LTBP2: variants seen among roughly 807,000 people sequenced by gnomAD.
LTBP2 encodes the protein latent transforming growth factor beta binding protein 2, also known as latent-transforming growth factor beta-binding protein 2.
A neutral mutation model predicts 210.6 loss-of-function variants in LTBP2; 103 were observed. The ratio of observed to expected loss-of-function variants is 0.49; its 90% CI spans 0.42 to 0.58. The LOEUF is 0.58. LTBP2 is among the 20% of genes least tolerant of loss of function. LTBP2 has a pLI of 0.00. For missense variants in LTBP2, 2,313 were observed against 2,494.5 expected (o/e 0.93, Z 1.55); for synonymous variants, 1,007 against 1,015.0 (o/e 0.99, Z 0.15).
chr14:74,507,915 C>A, intron 25 of LTBP2, 58 bp downstream of exon 25: 1 of 1,608,710 alleles, frequency 6.2e-7, no homozygotes, highest in South Asian at 1.1e-5. Flanking sequence ...AAGGACCAGG[C>A]AGTGTAGAGA....
intron 3 of LTBP2, among the ~76,000 whole-genome samples, chr14:74,578,145 G>C (rs978446000): frequency 1.3e-5 from 2 of 152,070 alleles, no homozygotes; most frequent in African/African-American, 4.8e-5. Context: ...CAACCTAGTG[G>C]CCAACCTGCA....
intron 14 of LTBP2, 146 bp from the exon 15 acceptor site, chr14:74,525,371 A>C (rs2087259311): frequency 2.4e-6 from 1 of 412,582 alleles, no homozygotes; most frequent in Non-Finnish European, 4.3e-6. Flanking sequence ...CTGAAAGTTG[A>C]TCTGGCCCCA....
chr14:74,507,713 T>C (rs1193643861), intron 25 of LTBP2, among the ~76,000 whole-genome samples: 2 of 152,238 alleles, frequency 1.3e-5, no homozygotes, highest in African/African-American at 2.4e-5. Flanking sequence ...GCAAAAGACA[T>C]TGAGCATAGC....
At chr14:74,604,166 A>AAC (rs1297020883) in intron 1 of LTBP2, among the ~76,000 whole-genome samples, 10 of 146,610 alleles carry the variant, frequency 6.8e-5, no homozygotes, top group African/African-American at 2.3e-4. Flanking sequence ...CCTCTCACCA[A>AAC]AAAAAAAAAA....
At chr14:74,565,765 G>A (rs1036033972) in intron 3 of LTBP2, among the ~76,000 whole-genome samples, 2 of 152,158 alleles carry the variant, frequency 1.3e-5, no homozygotes, top group African/African-American at 2.4e-5. Context: ...GATATCATTC[G>A]AGGAAAGCAG....
In LTBP2 at chr14:74,503,271, C is replaced by T. The variant is rs780831660; in HGVS notation, c.4836G>A (p.Gln1612=). 1.1e-5 allele frequency: 18 copies of T among 1,613,992 alleles called. No individual in the cohort carries two copies. In the African/African-American group the frequency reaches 2.4e-4, roughly 22 times the overall value. Residue 1612 remains glutamine (Q), a synonymous_variant, in exon 33 of 36, where the codon CAG becomes CAA. Coordinates refer to ENST00000261978, the MANE Select transcript of LTBP2 (RefSeq NM_000428.3). ...HRTTYTECCC[Q]DGEAWSQQCA... ...ACTGCTGGCTCCAGGCCTCGCCGTCCTGGCAGCAGCATTCCGTGTAGGTGG... is the reference window on the plus strand; with the variant it reads ...ACTGCTGGCTCCAGGCCTCGCCGTCTTGGCAGCAGCATTCCGTGTAGGTGG...
At chr14:74,556,446 C>A (rs2087730027) in intron 3 of LTBP2, among the ~76,000 whole-genome samples, 2 of 152,216 alleles carry the variant, frequency 1.3e-5, no homozygotes, top group Admixed American at 6.5e-5. Context: ...ATATGATAGT[C>A]CAGCTAAAGA....
intron 19 of LTBP2, among the ~76,000 whole-genome samples, chr14:74,510,576 G>A (rs1445494774): frequency 2.0e-5 from 3 of 152,202 alleles, no homozygotes; most frequent in Non-Finnish European, 4.4e-5. Context: ...ACCTCCTACC[G>A]GCCAACCAAA....
intron 22 of LTBP2, 80 bp from the exon 23 acceptor site, chr14:74,509,032 G>T: frequency 6.3e-7 from 1 of 1,597,018 alleles, no homozygotes; most frequent in South Asian, 1.1e-5. Flanking sequence ...GTCTCCAGAG[G>T]ACCTGTCACC....
chr14:74,565,319 C>A (rs1304745250), intron 3 of LTBP2, among the ~76,000 whole-genome samples: 1 of 152,106 alleles, frequency 6.6e-6, no homozygotes, highest in Non-Finnish European at 1.5e-5. Flanking sequence ...TTCAAGCAGG[C>A]CTAGGACATG....
At chr14:74,520,415 G>T (rs899383965) in intron 17 of LTBP2, among the ~76,000 whole-genome samples, 4 of 152,180 alleles carry the variant, frequency 2.6e-5, no homozygotes, top group Non-Finnish European at 4.4e-5. Context: ...ATTAAATGGG[G>T]CTAAGGATTT....
chr14:74,502,746 T>C lies in LTBP2; in HGVS notation c.5077A>G (p.Asn1693Asp). 1 of 1,614,114 alleles carries C rather than the reference T, an allele frequency of 6.2e-7. No individual in the cohort carries two copies. Among genetic ancestry groups the C allele is most frequent in the Non-Finnish European group, 8.5e-7 (1 of 1,180,018 alleles). The stretch of plus-strand genomic sequence containing the variant: ...CGGTCCGCTGAGTGACCGGCTGTGT[T>C]GGGGAAGGCAGGCTCAGGGACGGTG... ...EDTVPEPAFPNTAGHSADRTP... is the reference protein window; with the variant it reads ...EDTVPEPAFPDTAGHSADRTP... The change falls in exon 34 of 36, where the codon AAC becomes GAC. Residue 1693 changes from asparagine (N) to aspartate (D), a missense_variant. Asn to Asp is a conservative substitution (Grantham distance 23, BLOSUM62 1). This residue lies in a region of LTBP2 where 443 missense variants were observed against 501.4 expected (regional missense o/e 0.88). Transcript: ENST00000261978.
intron 3 of LTBP2, among the ~76,000 whole-genome samples, chr14:74,584,062 T>C (rs2088172683): frequency 1.3e-5 from 2 of 152,174 alleles, no homozygotes; most frequent in African/African-American, 2.4e-5. Flanking sequence ...AGAGCAAATA[T>C]GGACTGAGCA....
chr14:74,608,830 G>A (rs1263310550), intron 1 of LTBP2, among the ~76,000 whole-genome samples: 1 of 152,006 alleles, frequency 6.6e-6, no homozygotes, highest in East Asian at 1.9e-4. Flanking sequence ...TCTGGTCACT[G>A]CTGTATCCCA....
chr14:74,523,907 C>A (rs1595252275), intron 15 of LTBP2, among the ~76,000 whole-genome samples: 2 of 152,064 alleles, frequency 1.3e-5, no homozygotes, highest in East Asian at 3.9e-4. Context: ...CCAGATTGTA[C>A]TGAATTGAAT....
rs771353000 is a variant in LTBP2, at chr14:74,611,818, A to T, written c.127T>A (p.Tyr43Asn). 6.2e-7 allele frequency: 1 copy of T among 1,611,630 alleles called. No individual in the cohort carries two copies. The highest frequency in any genetic ancestry group is 1.1e-5 in the South Asian group (1 of 91,036). Residue 43 changes from tyrosine to asparagine, a missense_variant, in exon 1 of 36, where the codon TAC becomes AAC. Physicochemically the swap from Tyr to Asn is moderately radical, Grantham distance 143. Transcript: ENST00000261978. Reference protein sequence around the residue: ...GHAQRDPVGRYEPAGGDANRL... With the variant: ...GHAQRDPVGRNEPAGGDANRL... ...TTCGCGTCTCCACCAGCCGGCTCGT[A>T]TCTCCCTACGGGGTCCCTTTGGGCA...
rs141681613 is a variant in LTBP2 at position 74,521,444 on chromosome 14, G to T, written c.2788+467C>A. Among the ~76,000 whole-genome samples the T allele has an allele frequency of 3.0e-3, 450 of 152,268 alleles. 4 individuals are homozygous for T. Among genetic ancestry groups the T allele is most frequent in the African/African-American group, 9.9e-3 (410 of 41,530 alleles). ...GTGGGCCACATCACATCTTCCCAGG[G>T]AAGTGCAAAGCCCTACAAGTGCCTC... On this transcript the variant is annotated intron_variant, in intron 17 of 35. Coordinates refer to ENST00000261978, the MANE Select transcript of LTBP2 (RefSeq NM_000428.3).
intron 17 of LTBP2, among the ~76,000 whole-genome samples, chr14:74,518,633 T>A (rs1455351394): frequency 6.6e-6 from 1 of 152,202 alleles, no homozygotes; most frequent in Non-Finnish European, 1.5e-5. Flanking sequence ...AGAACCCCAA[T>A]AAGTGCTTAC....
intron 3 of LTBP2, among the ~76,000 whole-genome samples, chr14:74,560,567 C>T (rs539050208): frequency 3.9e-5 from 6 of 152,344 alleles, no homozygotes; most frequent in African/African-American, 1.4e-4. Context: ...GATGGGAAGA[C>T]AAGTGGGCGA....
Sources: allele counts gnomAD v4.1 joint callset (sites outside exome capture counted in the v4.1 genomes callset), GRCh38; gene constraint gnomAD v4.1.1; regional missense constraint gnomAD v4.1.1; transcripts MANE v1.5; gene names NCBI Gene and HGNC (gene_info 2026-07-23, HGNC 2026-07-21).